The following PLS1 variants were observed in gnomAD, a reference collection of about 807,000 sequenced individuals.
PLS1 encodes the protein plastin-1.
In PLS1, 32 loss-of-function variants were observed where a neutral mutation model predicts 73.7. That is an observed-to-expected ratio of 0.43 (90% CI 0.33 to 0.58). The LOEUF (loss-of-function observed/expected upper bound fraction) is 0.58, where lower values mean the gene tolerates loss of function less well. Among genes scored for constraint, PLS1 ranks in the 20% least tolerant of loss-of-function variants. PLS1 has a pLI of 0.04. For missense variants in PLS1, 633 were observed against 740.5 expected (o/e 0.85, Z 1.68); for synonymous variants, 217 against 261.3 (o/e 0.83, Z 1.63).
In PLS1 at chr3:142,712,603, G is replaced by C. The variant is rs1933189633; in HGVS notation, c.*596G>C. On this transcript the variant is annotated 3_prime_UTR_variant, in exon 16 of 16. Transcript: ENST00000457734. ...TCACTCTCTTGTTTAAGTAGCAGCAGCTTTTTACTTAAAATTTAATTTTAA... is the reference window on the plus strand; with the variant it reads ...TCACTCTCTTGTTTAAGTAGCAGCACCTTTTTACTTAAAATTTAATTTTAA... 6.6e-6 allele frequency: 1 copy of C among 152,152 alleles called. No homozygotes were observed. Among genetic ancestry groups the C allele is most frequent in the Non-Finnish European group, 1.5e-5 (1 of 67,966 alleles). The allele number at this position is 152,152 out of a possible 1,614,324, so 9.4% of individuals were successfully genotyped here. A position where few individuals can be genotyped will look rare whatever the true frequency, so the allele number is the denominator to read the frequency against.
At chr3:142,604,030 T>C (rs1287007993) in intron 1 of PLS1, among the ~76,000 whole-genome samples, 1 of 152,148 alleles carries the variant, frequency 6.6e-6, no homozygotes, top group Non-Finnish European at 1.5e-5. Context: ...ACACAATACA[T>C]TAAATTGTTT....
intron 1 of PLS1, among the ~76,000 whole-genome samples, chr3:142,601,422 A>G (rs2035925981): frequency 6.6e-6 from 1 of 152,156 alleles, no homozygotes; most frequent in Non-Finnish European, 1.5e-5. Flanking sequence ...AGTAACTAGT[A>G]TTACAGAATA....
At chr3:142,597,566 A>G (rs2035835470) in intron 1 of PLS1, among the ~76,000 whole-genome samples, 1 of 152,182 alleles carries the variant, frequency 6.6e-6, no homozygotes, top group Non-Finnish European at 1.5e-5. Flanking sequence ...CATTCCTCCC[A>G]TGATAAATGT....
intron 1 of PLS1, among the ~76,000 whole-genome samples, chr3:142,621,142 A>G (rs898675755): frequency 3.9e-5 from 6 of 152,164 alleles, no homozygotes; most frequent in African/African-American, 1.4e-4. Flanking sequence ...AAATTTTTTC[A>G]GTATTTTTTT....
intron 1 of PLS1, among the ~76,000 whole-genome samples, chr3:142,655,640 T>C (rs1466679473): frequency 6.7e-6 from 1 of 150,052 alleles, no homozygotes; most frequent in Non-Finnish European, 1.5e-5. Flanking sequence ...GAAAATCGCT[T>C]GAACCTGGGA....
chr3:142,643,401 G>A (rs536425399), intron 1 of PLS1, among the ~76,000 whole-genome samples: 1 of 152,328 alleles, frequency 6.6e-6, no homozygotes, highest in East Asian at 1.9e-4. Context: ...GATATTTCTT[G>A]TTAAATGCAT....
intron 1 of PLS1, among the ~76,000 whole-genome samples, chr3:142,620,698 G>A (rs934974177): frequency 9.9e-5 from 15 of 151,970 alleles, no homozygotes; most frequent in African/African-American, 3.4e-4. Context: ...AAATACTTAC[G>A]CCTCAAATAT....
rs60286789 is a variant in PLS1 at position 142,689,429 on chromosome 3, C to CATAAATAAATAA, written c.982-171_982-160dup. Among the ~76,000 whole-genome samples the CATAAATAAATAA allele has an allele frequency of 0.019, 2,794 of 148,564 alleles. 80 individuals carry two copies. Among genetic ancestry groups the CATAAATAAATAA allele is most frequent in the African/African-American group, 0.06 (2,409 of 40,242 alleles). ...CAGAGCAAGACTCTGTCTCTAAATACATAAATAAATAAATAAATAAATAAA... is the reference window on the plus strand; with the variant it reads ...CAGAGCAAGACTCTGTCTCTAAATACATAAATAAATAAATAAATAAATAAATAAATAAATAAA... On this transcript the variant is annotated intron_variant, in intron 9 of 15. Transcript: ENST00000457734.
intron 1 of PLS1, among the ~76,000 whole-genome samples, chr3:142,654,440 GGCTCAAGTGAT>G (rs1401806665): frequency 6.6e-6 from 1 of 152,118 alleles, no homozygotes; most frequent in Non-Finnish European, 1.5e-5. Flanking sequence ...CAAACTCCTA[GGCTCAAGTGAT>G]GCTCCCATCT....
chr3:142,682,071 C>T (rs779765906), intron 6 of PLS1, among the ~76,000 whole-genome samples: 6 of 151,990 alleles, frequency 3.9e-5, no homozygotes, highest in Non-Finnish European at 8.8e-5. Context: ...TGTCTTGGTG[C>T]TGGGAAAGTG....
intron 1 of PLS1, among the ~76,000 whole-genome samples, chr3:142,640,665 G>A (rs772173147): frequency 3.3e-5 from 5 of 152,178 alleles, no homozygotes; most frequent in Admixed American, 6.5e-5. Context: ...AAAATAACAT[G>A]TATGGGATCT....
intron 6 of PLS1, among the ~76,000 whole-genome samples, chr3:142,679,755 G>A (rs1162056617): frequency 6.6e-5 from 10 of 152,144 alleles, no homozygotes; most frequent in South Asian, 4.1e-4. Flanking sequence ...TTGGCAATGC[G>A]GGCTCTTTTT....
intron 6 of PLS1, among the ~76,000 whole-genome samples, chr3:142,681,066 A>G (rs1473742485): frequency 6.6e-6 from 1 of 152,184 alleles, no homozygotes; most frequent in African/African-American, 2.4e-5. Flanking sequence ...CTAGTCTTCT[A>G]TAGACTATTA....
chr3:142,626,268 A>G (rs996555947), intron 1 of PLS1, among the ~76,000 whole-genome samples: 4 of 152,196 alleles, frequency 2.6e-5, no homozygotes, highest in African/African-American at 7.2e-5. Context: ...AGCAAACACA[A>G]TATGTTAATA....
chr3:142,694,570 G>C, intron 11 of PLS1, 23 bp downstream of exon 11: 1 of 1,353,566 alleles, frequency 7.4e-7, no homozygotes. Flanking sequence ...TTGTGCTTCA[G>C]CTTTACTGTC....
chr3:142,607,235 C>T (rs1481362733), intron 1 of PLS1, among the ~76,000 whole-genome samples: 2 of 152,276 alleles, frequency 1.3e-5, no homozygotes, highest in Admixed American at 1.3e-4. Flanking sequence ...TGAAACAGTG[C>T]TCCCATATAC....
chr3:142,697,751 T>G (rs1335085986), intron 11 of PLS1, among the ~76,000 whole-genome samples: 14 of 152,240 alleles, frequency 9.2e-5, no homozygotes, highest in South Asian at 2.1e-4. Context: ...TCCTTGGATG[T>G]ATACCTTTGT....
At chr3:142,669,257 A>G in intron 2 of PLS1, 133 bp from the exon 3 acceptor site, 2 of 556,230 alleles carry the variant, frequency 3.6e-6, no homozygotes, top group Non-Finnish European at 6.3e-6. Context: ...AGGTACAGGA[A>G]AAAAGGTTAC....
At chr3:142,614,605 A>G (rs1252816716) in intron 1 of PLS1, among the ~76,000 whole-genome samples, 4 of 152,194 alleles carry the variant, frequency 2.6e-5, no homozygotes. Context: ...AAAAGAATCC[A>G]ACACTCAATG....
Sources: allele counts gnomAD v4.1 joint callset (sites outside exome capture counted in the v4.1 genomes callset), GRCh38; gene constraint gnomAD v4.1.1; transcripts MANE v1.5; gene names NCBI Gene and HGNC (gene_info 2026-07-23, HGNC 2026-07-21).